CR2: variants seen among roughly 807,000 people sequenced by gnomAD.
CR2 encodes complement receptor type 2.
In CR2, 96 loss-of-function variants were observed where a neutral mutation model predicts 123.0. That is an observed-to-expected ratio of 0.78 (90% CI 0.66 to 0.93). The LOEUF is 0.93. Among genes scored for constraint, CR2 ranks in the 40% least tolerant of loss-of-function variants. The probability of loss-of-function intolerance (pLI) is 0.00; values close to 1 mark genes in which losing one functional copy is unlikely to be tolerated. For missense variants in CR2, 1,258 were observed against 1,361.0 expected, an observed-to-expected ratio of 0.92 and a Z score of 1.19; for synonymous variants, 484 against 469.5, an observed-to-expected ratio of 1.03 and a Z score of -0.40.
At position 207,476,407 on chromosome 1, in the gene CR2, C is replaced by T; in HGVS notation, c.2890C>T (p.Pro964Ser). Residue 964 changes from proline to serine, a missense_variant, in exon 15 of 20, where the codon CCT becomes TCT. Coordinates refer to ENST00000367057, the MANE Select transcript of CR2 (RefSeq NM_001006658.3). ...THEGTWSQPA[P>S]HCKEVNCSSP... ...TGAGGGAACCTGGAGCCAACCTGCC[C>T]CTCATTGTAAAGGTGCTTTGTCTAT... 6.2e-7 allele frequency: 1 copy of T among 1,613,404 alleles called. No homozygotes were observed. The highest frequency in any genetic ancestry group is 8.5e-7 in the Non-Finnish European group (1 of 1,179,776).
chr1:207,461,975 G>C (rs2102297421), intron 1 of CR2, among the ~76,000 whole-genome samples: 1 of 152,234 alleles, frequency 6.6e-6, no homozygotes, highest in South Asian at 2.1e-4. Flanking sequence ...AGTCATGATA[G>C]CTGGCCAAAC....
Position 207,474,206 on chromosome 1 carries a change from GA to G in CR2, c.2241-33del, listed in dbSNP as rs538448731. ...GCAGTTTGAAGAGATATGATATTGG[GA>G]ACAGGAAATGCATTATAATCTGTCT... is the stretch of plus-strand genomic sequence containing the variant. On this transcript the variant is annotated intron_variant, in intron 12 of 19. Coordinates refer to ENST00000367057, the MANE Select transcript of CR2 (RefSeq NM_001006658.3). 3.3e-3 allele frequency: 4,964 copies of G among 1,483,190 alleles called. 15 individuals are homozygous for G. Among genetic ancestry groups the G allele is most frequent in the Non-Finnish European group, 3.8e-3 (4,063 of 1,060,812 alleles). 91.9% of individuals were successfully genotyped at this position (1,483,190 alleles called of 1,614,324 possible).
Position 207,454,651 on chromosome 1 carries a change from C to T in CR2, c.58+175C>T, listed in dbSNP as rs1657784445. On this transcript the variant is annotated intron_variant, in intron 1 of 19. Transcript: ENST00000367057. This position sits in a 1 kb window ranked among gnomAD's most constrained non-coding sequence, Gnocchi z 4.3. ...AATAAACCGCCTGGTCCTGATTGTCCCCACTGGCCCCTCCGGGAGCTGGGA... is the reference window on the plus strand; with the variant it reads ...AATAAACCGCCTGGTCCTGATTGTCTCCACTGGCCCCTCCGGGAGCTGGGA... 1 of 550,144 alleles carries T rather than the reference C, an allele frequency of 1.8e-6. No homozygotes were observed. The highest frequency in any genetic ancestry group is 3.2e-6 in the Non-Finnish European group (1 of 316,592). 34.1% of individuals were successfully genotyped at this position (550,144 alleles called of 1,614,324 possible).
chr1:207,489,108 A>G (rs560300289), intron 19 of CR2, 34 bp from the exon 20 acceptor site: 8 of 152,490 alleles, frequency 5.2e-5, no homozygotes, highest in South Asian at 4.1e-4. Flanking sequence ...GCTGCTATTC[A>G]TGCTGCCTCC....
rs1658104737 is a variant in CR2, at chr1:207,466,582, ACC to A, written c.119_120del (p.Pro40HisfsTer28). The A allele has an allele frequency of 6.2e-7, 1 of 1,613,560 alleles. No individual in the cohort carries two copies. The highest frequency in any genetic ancestry group is 8.5e-7 in the Non-Finnish European group (1 of 1,179,886). On this transcript the variant is annotated frameshift_variant, in exon 2 of 20. Transcript: ENST00000367057. LOFTEE classifies it high-confidence loss of function. ...AAATGGCCGGATTAGTTATTATTCT[ACC>A]CCCATTGCTGTTGGTACCGTGATAA... ...ILNGRISYYS[T>X]PIAVGTVIRY...
In CR2 at chr1:207,476,405, C is replaced by T. The variant is rs1658441314; in HGVS notation, c.2888C>T (p.Ala963Val). The T allele has an allele frequency of 6.2e-7, 1 of 1,613,416 alleles. No homozygotes were observed. ...CATGAGGGAACCTGGAGCCAACCTG[C>T]CCCTCATTGTAAAGGTGCTTTGTCT... ...CTHEGTWSQP[A>V]PHCKEVNCSS... The change falls in exon 15 of 20, where the codon GCC (alanine) becomes GTC (valine). Residue 963 changes from alanine (A) to valine (V), a missense_variant. Coordinates refer to ENST00000367057, the MANE Select transcript of CR2 (RefSeq NM_001006658.3).
rs1422889749 is a variant in CR2, at chr1:207,480,071, T to C, written c.3188+18T>C. 1 of 1,575,968 alleles carries C rather than the reference T, an allele frequency of 6.3e-7. No homozygotes were observed. Among genetic ancestry groups the C allele is most frequent in the Admixed American group, 1.7e-5 (1 of 59,920 alleles). ...AGAGCACGGTAAGTTCAAAGGCGAATACTTGATTGACCAACATGCACAAGT... is the reference window on the plus strand; with the variant it reads ...AGAGCACGGTAAGTTCAAAGGCGAACACTTGATTGACCAACATGCACAAGT... On this transcript the variant is annotated intron_variant, in intron 18 of 19. Coordinates refer to ENST00000367057, the MANE Select transcript of CR2 (RefSeq NM_001006658.3).
chr1:207,471,516 A>T lies in CR2; in HGVS notation c.1570+17A>T, dbSNP rs1467522779. 2.6e-6 allele frequency: 4 copies of T among 1,544,174 alleles called. No individual in the cohort carries two copies. Among genetic ancestry groups the T allele is most frequent in the Admixed American group, 3.3e-5 (2 of 59,872 alleles). ...TTTGTAAAGGTGAGTAGCAAAAATG[A>T]TATAGGAGCTGAAATAATGTGAGAT... On this transcript the variant is annotated intron_variant, in intron 9 of 19. Coordinates refer to ENST00000367057, the MANE Select transcript of CR2 (RefSeq NM_001006658.3).
intron 1 of CR2, among the ~76,000 whole-genome samples, chr1:207,461,608 C>T (rs1458993686): frequency 6.6e-6 from 1 of 152,100 alleles, no homozygotes; most frequent in African/African-American, 2.4e-5. Context: ...TGTCTCAGGT[C>T]CTCAGGTCAG....
chr1:207,474,709 G>C, intron 13 of CR2, 115 bp from the exon 14 acceptor site: 2 of 1,182,534 alleles, frequency 1.7e-6, no homozygotes, highest in South Asian at 2.6e-5. Context: ...CAAAATTTAA[G>C]TTATTTTCTA....
intron 10 of CR2, 32 bp downstream of exon 10, chr1:207,473,211 G>T (rs1398234714): frequency 6.2e-7 from 1 of 1,610,088 alleles, no homozygotes; most frequent in Non-Finnish European, 8.5e-7. Context: ...AAAAAGGAGA[G>T]ATTTACTTAA....
In CR2 at chr1:207,468,699, C is replaced by A. The variant is rs1217447251; in HGVS notation, c.618C>A (p.Val206=). ...TGTCTTCGGGAAAATGGAGTGCTGT[C>A]CCCCCCACATGTGAAGGTACCCTAA... ...NCLSSGKWSA[V]PPTCEEARCK... Residue 206 remains valine, a synonymous_variant, in exon 3 of 20, where the codon GTC becomes GTA. Coordinates refer to ENST00000367057, the MANE Select transcript of CR2 (RefSeq NM_001006658.3). 2.5e-6 allele frequency: 4 copies of A among 1,613,490 alleles called. No homozygotes were observed. The Admixed American group carries it at 5.0e-5, about 20-fold the overall frequency.
chr1:207,485,713 T>C (rs1658731129), intron 19 of CR2, 141 bp downstream of exon 19: 1 of 637,156 alleles, frequency 1.6e-6, no homozygotes, highest in Non-Finnish European at 2.9e-6. Context: ...TAGCAATTGT[T>C]CATTTACCTA....
At chr1:207,486,621 G>A (rs1166474554) in intron 19 of CR2, among the ~76,000 whole-genome samples, 1 of 152,220 alleles carries the variant, frequency 6.6e-6, no homozygotes, top group Non-Finnish European at 1.5e-5. Context: ...GAGTCAATGA[G>A]GAGGCTGCTG....
chr1:207,457,110 T>A (rs934214107), intron 1 of CR2, among the ~76,000 whole-genome samples: 2 of 152,260 alleles, frequency 1.3e-5, no homozygotes, highest in African/African-American at 4.8e-5. Flanking sequence ...CTTATTTATG[T>A]ACCTGTTTGT....
intron 8 of CR2, 62 bp from the exon 9 acceptor site, chr1:207,471,360 AT>A (rs1658274999): frequency 1.6e-6 from 2 of 1,287,180 alleles, no homozygotes; most frequent in African/African-American, 2.9e-5. Flanking sequence ...CTTGGGAGCC[AT>A]GGCTCTTGCC....
At chr1:207,478,525 C>CAAA (rs36116544) in intron 16 of CR2, among the ~76,000 whole-genome samples, 283 of 58,696 alleles carry the variant, frequency 4.8e-3, no homozygotes, top group East Asian at 0.018. Context: ...AAGACCCTAT[C>CAAA]AAAAAAAAAA....
At chr1:207,462,491 C>T (rs188975286) in intron 1 of CR2, among the ~76,000 whole-genome samples, 1 of 152,244 alleles carries the variant, frequency 6.6e-6, no homozygotes, top group East Asian at 1.9e-4. Flanking sequence ...AAAATATATG[C>T]ATTTTTTCCC....
intron 10 of CR2, 26 bp from the exon 11 acceptor site, chr1:207,473,519 T>C (rs1204028143): frequency 1.9e-6 from 3 of 1,605,716 alleles, no homozygotes. Flanking sequence ...TGTGTTGGTA[T>C]TTATGTAGGG....
Sources: gnomAD v4.1 joint callset for allele counts (sites outside exome capture counted in the v4.1 genomes callset) on GRCh38, gnomAD v4.1.1 for gene constraint, Gnocchi (gnomAD v3.1) non-coding constraint, MANE v1.5 for transcripts, NCBI Gene and HGNC (gene_info 2026-07-23, HGNC 2026-07-21) for gene names.